ZNF33A: variants seen among roughly 807,000 people sequenced by gnomAD.
ZNF33A encodes the protein zinc finger protein 33A, also known as brain my041 protein.
A neutral mutation model predicts 15.9 loss-of-function variants in ZNF33A; 9 were observed. That is an observed-to-expected ratio of 0.57 (90% CI 0.34 to 0.99). The LOEUF (loss-of-function observed/expected upper bound fraction) is 0.99. ZNF33A is among the 50% of genes least tolerant of loss of function. The pLI, the probability that ZNF33A is intolerant of heterozygous loss-of-function variation, is 0.02. For missense variants in ZNF33A, 843 were observed against 941.6 expected (o/e 0.90, Z 1.37); for synonymous variants, 294 against 324.2 (o/e 0.91, Z 1.00).
At position 38,057,848 on chromosome 10, in the gene ZNF33A, C is replaced by T. The variant is rs2066548483; in HGVS notation, c.*1288C>T. On this transcript the variant is annotated 3_prime_UTR_variant, in exon 5 of 5. Transcript: ENST00000432900. ...AAAGGCCCACACATACAGCCCAGGG[C>T]TGCCCAGGGCTGTTGGACTGTCATT... 6.1e-6 allele frequency: 6 copies of T among 985,238 alleles called. No homozygotes were observed. The Admixed American group carries it at 2.5e-4, about 40-fold the overall frequency. 61.0% of individuals were successfully genotyped at this position (985,238 alleles called of 1,614,324 possible).
intron 2 of ZNF33A, among the ~76,000 whole-genome samples, chr10:38,013,035 T>A (rs1047175535): frequency 5.9e-5 from 9 of 152,350 alleles, no homozygotes; most frequent in Non-Finnish European, 1.0e-4. Context: ...ACTGCTTTTT[T>A]AATTTTTATT....
At chr10:38,021,014 T>C (rs994897212) in intron 4 of ZNF33A, among the ~76,000 whole-genome samples, 4 of 152,220 alleles carry the variant, frequency 2.6e-5, no homozygotes, top group Non-Finnish European at 5.9e-5. Context: ...TAGTTGCCAA[T>C]CTTAGTCTTC....
At chr10:38,042,485 C>T (rs2065749403) in intron 4 of ZNF33A, among the ~76,000 whole-genome samples, 2 of 139,550 alleles carry the variant, frequency 1.4e-5, no homozygotes, top group Non-Finnish European at 3.1e-5. Context: ...CCCAGCCACT[C>T]TATTTTTTTG....
downstream of ZNF33A, among the ~76,000 whole-genome samples, chr10:38,061,848 T>C (rs1476739745): frequency 6.6e-6 from 1 of 152,038 alleles, no homozygotes; most frequent in African/African-American, 2.4e-5. Flanking sequence ...TCCCAGCTAG[T>C]TGGGAGGCTG....
At chr10:38,021,035 A>G (rs1298489878) in intron 4 of ZNF33A, among the ~76,000 whole-genome samples, 5 of 151,978 alleles carry the variant, frequency 3.3e-5, no homozygotes, top group Admixed American at 3.3e-4. Flanking sequence ...CTGCGGGGGG[A>G]GTGGGTATGA....
intron 4 of ZNF33A, among the ~76,000 whole-genome samples, chr10:38,032,059 G>T (rs2065236984): frequency 1.3e-5 from 2 of 152,054 alleles, no homozygotes; most frequent in East Asian, 1.9e-4. Context: ...AGAGATGCTG[G>T]ATCTCTTGTA....
At chr10:38,064,323 T>C (rs941352578), downstream of ZNF33A, 1 of 531,312 alleles carries the variant, frequency 1.9e-6, no homozygotes. Context: ...CTTCAAAGAG[T>C]TGCACTGAGG....
In ZNF33A at chr10:38,054,928, T is replaced by G; in HGVS notation, c.804T>G (p.Ser268=). The stretch of plus-strand genomic sequence containing the variant: ...CATCCCTCTTGTTCCATCAGATATC[T>G]CCGTCAAGGGACAATCACTATGAAT... ...DSSSLLFHQI[S]PSRDNHYEFS... Residue 268 remains serine (S), a synonymous_variant, in exon 5 of 5, where the codon TCT becomes TCG. Coordinates refer to ENST00000432900, the MANE Select transcript of ZNF33A (RefSeq NM_006954.2). 1 of 1,613,962 alleles carries G rather than the reference T, an allele frequency of 6.2e-7. No individual in the cohort carries two copies. The highest frequency in any genetic ancestry group is 8.5e-7 in the Non-Finnish European group (1 of 1,179,994).
chr10:38,041,537 A>G (rs760961356), intron 4 of ZNF33A, among the ~76,000 whole-genome samples: 9 of 151,826 alleles, frequency 5.9e-5, no homozygotes, highest in Non-Finnish European at 1.3e-4. Context: ...TTATTTTTAT[A>G]TATATTACAT....
chr10:38,016,805 A>G, intron 2 of ZNF33A, 66 bp from the exon 3 acceptor site: 2 of 1,541,998 alleles, frequency 1.3e-6, no homozygotes, highest in African/African-American at 2.8e-5. Context: ...TATTCTGTGA[A>G]TAATAATCAT....
downstream of ZNF33A, among the ~76,000 whole-genome samples, chr10:38,063,645 TAGTG>T (rs1294789434): frequency 9.2e-5 from 14 of 152,330 alleles, no homozygotes; most frequent in African/African-American, 2.2e-4. Context: ...GGTAGATAGA[TAGTG>T]AGGTAACTTC....
intron 1 of ZNF33A, 87 bp downstream of exon 1, chr10:38,010,870 G>C: frequency 5.9e-6 from 9 of 1,530,352 alleles, no homozygotes; most frequent in South Asian, 1.1e-5. Flanking sequence ...CCAAGTGGTG[G>C]GGAGGAGGCC....
chr10:38,063,699 C>T (rs1311740898), downstream of ZNF33A, among the ~76,000 whole-genome samples: 25 of 152,202 alleles, frequency 1.6e-4, no homozygotes, highest in Admixed American at 1.4e-3. Context: ...GATGCAAACT[C>T]TTTGTGATGA....
chr10:38,042,910 T>C (rs1564861405), intron 4 of ZNF33A, among the ~76,000 whole-genome samples: 2 of 152,196 alleles, frequency 1.3e-5, no homozygotes, highest in South Asian at 4.1e-4. Context: ...AATACAGTTA[T>C]AAACATTGAC....
At chr10:38,014,911 T>A (rs1564831727) in intron 2 of ZNF33A, among the ~76,000 whole-genome samples, 2 of 151,892 alleles carry the variant, frequency 1.3e-5, no homozygotes, top group East Asian at 3.9e-4. Context: ...TGAGACAGAG[T>A]CGCCCAGGCT....
intron 4 of ZNF33A, among the ~76,000 whole-genome samples, chr10:38,028,012 G>C (rs1424607412): frequency 6.6e-6 from 1 of 152,112 alleles, no homozygotes; most frequent in Non-Finnish European, 1.5e-5. Flanking sequence ...AAGCTGGGTG[G>C]TTCACACCTG....
intron 4 of ZNF33A, among the ~76,000 whole-genome samples, chr10:38,020,503 C>T (rs1358180686): frequency 6.6e-6 from 1 of 152,136 alleles, no homozygotes; most frequent in Non-Finnish European, 1.5e-5. Flanking sequence ...CCCGACCCCA[C>T]CCCACTACCT....
chr10:38,065,440 C>A (rs1477155139), downstream of ZNF33A, among the ~76,000 whole-genome samples: 1 of 152,178 alleles, frequency 6.6e-6, no homozygotes, highest in Non-Finnish European at 1.5e-5. Flanking sequence ...GGATTCTATC[C>A]TAAAAGACAA....
chr10:38,046,181 C>T (rs969562535), intron 4 of ZNF33A, among the ~76,000 whole-genome samples: 3 of 152,142 alleles, frequency 2.0e-5, no homozygotes, highest in Admixed American at 2.0e-4. Context: ...GCACTGGTGG[C>T]TTGCAGGAGA....
Sources: allele counts gnomAD v4.1 joint callset (sites outside exome capture counted in the v4.1 genomes callset), GRCh38; gene constraint gnomAD v4.1.1; transcripts MANE v1.5; gene names NCBI Gene and HGNC (gene_info 2026-07-23, HGNC 2026-07-21).